Variants in SMARCA2 observed in about 807,000 individuals in gnomAD.
SMARCA2 encodes the protein SWI/SNF related BAF chromatin remodeling complex subunit ATPase 2, also known as SWI/SNF-related matrix-associated actin-dependent regulator of chromatin subfamily A member 2.
A neutral mutation model predicts 199.8 loss-of-function variants in SMARCA2; 61 were observed. That is an observed-to-expected ratio of 0.31 (90% CI 0.25 to 0.38). The LOEUF (loss-of-function observed/expected upper bound fraction) is 0.38, where lower values mean the gene tolerates loss of function less well. SMARCA2 is among the 10% of genes least tolerant of loss of function. The pLI, the probability that SMARCA2 is intolerant of heterozygous loss-of-function variation, is 1.00. For synonymous variants in SMARCA2, 935 were observed against 732.0 expected (o/e 1.28, Z -4.48); for missense variants, 1,344 against 2,012.2 (o/e 0.67, Z 6.35).
intron 3 of SMARCA2, among the ~76,000 whole-genome samples, chr9:2,037,528 T>C (rs1440421907): frequency 6.6e-6 from 1 of 152,186 alleles, no homozygotes; most frequent in Non-Finnish European, 1.5e-5. Context: ...CAAATGACAA[T>C]TGGAGATAAA....
Position 2,182,437 on chromosome 9 carries a change from T to C in SMARCA2, c.4461+195T>C, listed in dbSNP as rs36186623. ...CTGCAGATTACCTTTGTACCACAGC[T>C]GTGCTAGCGCCTACTCACACTTCTT... is the stretch of plus-strand genomic sequence containing the variant. On this transcript the variant is annotated intron_variant, in intron 31 of 33. Transcript: ENST00000349721. Among the ~76,000 whole-genome samples, 16,403 of 150,566 alleles carry C rather than the reference T, an allele frequency of 0.11. 1,033 individuals carry two copies. The highest frequency in any genetic ancestry group is 0.16 in the African/African-American group (6,730 of 41,048).
At chr9:2,093,222 G>A (rs1391180470) in intron 19 of SMARCA2, among the ~76,000 whole-genome samples, 3 of 152,200 alleles carry the variant, frequency 2.0e-5, no homozygotes, top group African/African-American at 7.2e-5. Flanking sequence ...CATTCAGGTG[G>A]TTTAGGACGG....
chr9:2,183,353 T>G (rs145983267), intron 31 of SMARCA2, among the ~76,000 whole-genome samples: 141 of 152,342 alleles, frequency 9.3e-4, no homozygotes, highest in Middle Eastern at 3.4e-3. Context: ...TTTACTCCCC[T>G]TCTCCACAGT....
intron 28 of SMARCA2, among the ~76,000 whole-genome samples, chr9:2,168,334 T>A (rs1178497210): frequency 1.3e-5 from 2 of 152,194 alleles, no homozygotes; most frequent in Non-Finnish European, 2.9e-5. Context: ...TTTATTACAT[T>A]ATAGCAGCTT....
At chr9:2,117,264 T>C (rs767106443) in intron 25 of SMARCA2, among the ~76,000 whole-genome samples, 1 of 152,230 alleles carries the variant, frequency 6.6e-6, no homozygotes, top group Non-Finnish European at 1.5e-5. Context: ...TGAACCCATT[T>C]GCAAATTGAA....
chr9:2,158,089 T>C (rs758230797), intron 27 of SMARCA2: 1 of 361,202 alleles, frequency 2.8e-6, no homozygotes, highest in African/African-American at 2.1e-5. Flanking sequence ...ATCTCGTTCT[T>C]GCACACCCTG....
chr9:2,176,156 C>T (rs1826573388), intron 29 of SMARCA2, among the ~76,000 whole-genome samples: 1 of 146,810 alleles, frequency 6.8e-6, no homozygotes. Flanking sequence ...GCTGGGATTA[C>T]AGGCATGAGC....
intron 19 of SMARCA2, among the ~76,000 whole-genome samples, chr9:2,090,426 G>T (rs1822002497): frequency 6.6e-6 from 1 of 152,158 alleles, no homozygotes; most frequent in African/African-American, 2.4e-5. Flanking sequence ...CTGCCTGTCA[G>T]AGTAGGCATG....
intron 18 of SMARCA2, 37 bp from the exon 19 acceptor site, chr9:2,088,463 T>C: frequency 6.4e-7 from 1 of 1,551,166 alleles, no homozygotes; most frequent in Middle Eastern, 1.9e-4. Flanking sequence ...CATCCTTTTC[T>C]TTAAAAAATC....
At position 2,103,661 on chromosome 9, in the gene SMARCA2, TGAGA is replaced by T. The variant is rs34122859; in HGVS notation, c.3126-320_3126-317del. On this transcript the variant is annotated intron_variant, in intron 22 of 33. Transcript: ENST00000349721. The stretch of plus-strand genomic sequence containing the variant: ...GTGTGTACGTGTGTGTGTGTGTGTG[TGAGA>T]GAGAGAGAGAGAGAGAGAGAGGGCG... Among the ~76,000 whole-genome samples the T allele has an allele frequency of 2.6e-3, 364 of 142,196 alleles. 1 individual carries two copies. Among genetic ancestry groups the T allele is most frequent in the Admixed American group, 5.0e-3 (71 of 14,298 alleles). 93.3% of individuals were successfully genotyped at this position (142,196 alleles called of 152,430 possible).
intron 32 of SMARCA2, among the ~76,000 whole-genome samples, chr9:2,186,484 A>G (rs1415018037): frequency 1.3e-5 from 2 of 152,106 alleles, no homozygotes; most frequent in African/African-American, 4.8e-5. Flanking sequence ...CTCCTAGCAA[A>G]CACTGTTTTA....
At chr9:2,156,206 G>T (rs1338007022) in intron 27 of SMARCA2, among the ~76,000 whole-genome samples, 1 of 152,098 alleles carries the variant, frequency 6.6e-6, no homozygotes, top group African/African-American at 2.4e-5. Flanking sequence ...CGTGCTATCT[G>T]TTGAAATGTT....
intron 5 of SMARCA2, among the ~76,000 whole-genome samples, chr9:2,048,105 A>T (rs1819956495): frequency 6.6e-6 from 1 of 152,172 alleles, no homozygotes; most frequent in Non-Finnish European, 1.5e-5. Flanking sequence ...CTACCCTTGC[A>T]GTGTGAAAAC....
At chr9:2,136,014 G>C (rs1254969856) in intron 27 of SMARCA2, among the ~76,000 whole-genome samples, 2 of 147,416 alleles carry the variant, frequency 1.4e-5, no homozygotes, top group East Asian at 4.1e-4. Flanking sequence ...GCTAATTTTT[G>C]TGTTTTTAGT....
chr9:2,127,651 G>T (rs904266353), intron 27 of SMARCA2, among the ~76,000 whole-genome samples: 3 of 152,156 alleles, frequency 2.0e-5, no homozygotes, highest in Non-Finnish European at 4.4e-5. Flanking sequence ...GCTAGAACTT[G>T]GTTATGTGGC....
intron 10 of SMARCA2, 21 bp downstream of exon 10, chr9:2,070,492 C>T: frequency 6.3e-7 from 1 of 1,593,594 alleles, no homozygotes; most frequent in Non-Finnish European, 8.6e-7. Context: ...GTCATCCTTT[C>T]CACTGTGTTC....
intron 7 of SMARCA2, among the ~76,000 whole-genome samples, chr9:2,057,859 T>G (rs1409501792): frequency 6.6e-6 from 1 of 152,250 alleles, no homozygotes; most frequent in African/African-American, 2.4e-5. Flanking sequence ...TAAACTTATT[T>G]TGTGTCATAC....
chr9:2,186,276 G>T (rs772365172), intron 32 of SMARCA2, 48 bp downstream of exon 32: 1 of 1,566,150 alleles, frequency 6.4e-7, no homozygotes, highest in East Asian at 2.3e-5. Flanking sequence ...CTCCTCACCT[G>T]CATAGCTGTC....
At chr9:2,187,736 A>G (rs533727678) in intron 32 of SMARCA2, among the ~76,000 whole-genome samples, 3 of 151,998 alleles carry the variant, frequency 2.0e-5, no homozygotes, top group African/African-American at 7.3e-5. Flanking sequence ...CTTCTTTCCT[A>G]TGTGTGTCTT....
Sources: gnomAD v4.1 joint callset for allele counts (sites outside exome capture counted in the v4.1 genomes callset) on GRCh38, gnomAD v4.1.1 for gene constraint, MANE v1.5 for transcripts, NCBI Gene and HGNC (gene_info 2026-07-23, HGNC 2026-07-21) for gene names.